RANBP17: variants seen among roughly 807,000 people sequenced by gnomAD.
RANBP17 encodes the protein RAN binding protein 17, also known as ran-binding protein 17.
A neutral mutation model predicts 141.2 loss-of-function variants in RANBP17; 158 were observed. The ratio of observed to expected loss-of-function variants is 1.12; its 90% confidence interval spans 0.98 to 1.28. The LOEUF (loss-of-function observed/expected upper bound fraction) is 1.28, where lower values mean the gene tolerates loss of function less well. Ranked by LOEUF, RANBP17 falls within the 50% of genes most tolerant of loss-of-function variation. The probability of loss-of-function intolerance (pLI) is 0.00; values close to 1 mark genes in which losing one functional copy is unlikely to be tolerated. For missense variants in RANBP17, 1,438 were observed against 1,290.7 expected (o/e 1.11, Z -1.75); for synonymous variants, 430 against 450.0 (o/e 0.96, Z 0.56).
intron 5 of RANBP17, among the ~76,000 whole-genome samples, chr5:170,908,558 G>C (rs1771262542): frequency 1.3e-5 from 2 of 150,440 alleles, no homozygotes; most frequent in Non-Finnish European, 3.0e-5. Context: ...ACTGACTTTT[G>C]GGTGACAGGA....
At chr5:171,263,269 G>A (rs1442093797) in intron 24 of RANBP17, among the ~76,000 whole-genome samples, 1 of 152,116 alleles carries the variant, frequency 6.6e-6, no homozygotes, top group African/African-American at 2.4e-5. Flanking sequence ...GAGTCTACCT[G>A]CTCACCATTT....
intron 14 of RANBP17, among the ~76,000 whole-genome samples, chr5:171,112,069 T>A (rs1003807271): frequency 1.3e-5 from 2 of 152,226 alleles, no homozygotes; most frequent in African/African-American, 4.8e-5. Context: ...AAAGTCATCT[T>A]GTCCTCACCA....
intron 14 of RANBP17, among the ~76,000 whole-genome samples, chr5:171,101,423 TG>T (rs1464620281): frequency 6.6e-6 from 1 of 152,232 alleles, no homozygotes; most frequent in Admixed American, 6.5e-5. Flanking sequence ...TTGCAACCCC[TG>T]CTCTTTTTTT....
At chr5:171,117,966 T>C (rs1755766127) in intron 14 of RANBP17, among the ~76,000 whole-genome samples, 1 of 152,174 alleles carries the variant, frequency 6.6e-6, no homozygotes, top group African/African-American at 2.4e-5. Context: ...TTGTTCACTC[T>C]GATGATTGTT....
intron 12 of RANBP17, among the ~76,000 whole-genome samples, chr5:170,930,396 AT>A: frequency 6.6e-6 from 1 of 150,924 alleles, no homozygotes; most frequent in East Asian, 1.9e-4. Context: ...TCTTTTTATT[AT>A]TTTTTATTTT....
chr5:170,926,541 A>T (rs111384391), intron 12 of RANBP17, among the ~76,000 whole-genome samples: 2 of 152,010 alleles, frequency 1.3e-5, no homozygotes, highest in East Asian at 3.9e-4. Context: ...ATGTATTTTG[A>T]CATTAATCAT....
In RANBP17 at chr5:171,285,104, C is replaced by T. The variant is rs575751557; in HGVS notation, c.2944-8779C>T. Among the ~76,000 whole-genome samples, 6 of 152,356 alleles carry T rather than the reference C, an allele frequency of 3.9e-5. No individual in the cohort carries two copies. In the East Asian group the frequency reaches 9.6e-4, roughly 24 times the overall value. On this transcript the variant is annotated intron_variant, in intron 25 of 27. Transcript: ENST00000523189. ...CTGTTCGTTCCTCAAACATGCCAAG[C>T]TCTGTCTCCAGTGTCTTTTCTCATT...
intron 14 of RANBP17, among the ~76,000 whole-genome samples, chr5:171,002,282 G>A (rs1779263290): frequency 6.6e-6 from 1 of 151,320 alleles, no homozygotes; most frequent in Non-Finnish European, 1.5e-5. Flanking sequence ...GTTTCGGTGG[G>A]AGAGTAGGTG....
chr5:171,036,333 G>T (rs1202708898), intron 14 of RANBP17, among the ~76,000 whole-genome samples: 1 of 152,134 alleles, frequency 6.6e-6, no homozygotes, highest in African/African-American at 2.4e-5. Flanking sequence ...GCCTCCATCT[G>T]CATCCATGTT....
At chr5:171,018,668 G>A (rs897485133) in intron 14 of RANBP17, among the ~76,000 whole-genome samples, 1 of 152,072 alleles carries the variant, frequency 6.6e-6, no homozygotes, top group Non-Finnish European at 1.5e-5. Context: ...TGAGATGATG[G>A]GGTTTTCTAA....
chr5:171,282,474 G>A (rs1767917338), intron 25 of RANBP17, among the ~76,000 whole-genome samples: 1 of 151,714 alleles, frequency 6.6e-6, no homozygotes, highest in African/African-American at 2.4e-5. Context: ...TGTTGTTGTT[G>A]TTGTTGTTGT....
At position 171,029,943 on chromosome 5, in the gene RANBP17, A is replaced by C. The variant is rs536599255; in HGVS notation, c.1710+61566A>C. Among the ~76,000 whole-genome samples, 553 of 152,142 alleles carry C rather than the reference A, an allele frequency of 3.6e-3. 3 individuals carry two copies. Among genetic ancestry groups the C allele is most frequent in the African/African-American group, 0.012 (515 of 41,546 alleles). The stretch of plus-strand genomic sequence containing the variant: ...ACATTGTGTGCATTTGGTTGTGAAA[A>C]AAACAGAAGTAGTACTTTAATATAC... On this transcript the variant is annotated intron_variant, in intron 14 of 27. Transcript: ENST00000523189.
At chr5:170,969,721 G>A (rs1373065230) in intron 14 of RANBP17, among the ~76,000 whole-genome samples, 1 of 151,850 alleles carries the variant, frequency 6.6e-6, no homozygotes, top group East Asian at 1.9e-4. Context: ...ATGGGATTTC[G>A]GATTTTGTTT....
At chr5:171,041,968 CCACTTATAA>C (rs1782280087) in intron 14 of RANBP17, among the ~76,000 whole-genome samples, 1 of 151,960 alleles carries the variant, frequency 6.6e-6, no homozygotes, top group Admixed American at 6.6e-5. Context: ...TATTCTGCTC[CCACTTATAA>C]GTGAGAATAT....
In RANBP17 at chr5:171,137,572, A is replaced by ATGTGTGTGTGTG. The variant is rs140713117; in HGVS notation, c.1711-32536_1711-32525dup. 5.8e-3 allele frequency among the ~76,000 whole-genome samples: 822 copies of ATGTGTGTGTGTG among 141,092 alleles called. 4 individuals are homozygous for ATGTGTGTGTGTG. Among genetic ancestry groups the ATGTGTGTGTGTG allele is most frequent in the Non-Finnish European group, 8.8e-3 (572 of 65,090 alleles). 92.6% of individuals were successfully genotyped at this position (141,092 alleles called of 152,430 possible). ...TAGGAAATGCTTCTGTTGACTTGAG[A>ATGTGTGTGTGTG]TGTGTGTGTGTGTGTGTGTGTGTGT... On this transcript the variant is annotated intron_variant, in intron 14 of 27. Transcript: ENST00000523189.
At chr5:170,904,590 G>A (rs1450598388) in intron 5 of RANBP17, 1 of 152,150 alleles carries the variant, frequency 6.6e-6, no homozygotes, top group African/African-American at 2.4e-5. Flanking sequence ...GTCTAAAAGA[G>A]TGATTTCTGT....
chr5:170,891,484 G>A (rs1291705411), intron 3 of RANBP17, among the ~76,000 whole-genome samples: 5 of 152,208 alleles, frequency 3.3e-5, no homozygotes, highest in African/African-American at 1.2e-4. Flanking sequence ...CTGTATATTA[G>A]TTGGTTCTCA....
intron 9 of RANBP17, among the ~76,000 whole-genome samples, chr5:170,917,935 A>G (rs1489751153): frequency 3.3e-5 from 5 of 152,124 alleles, no homozygotes; most frequent in African/African-American, 4.8e-5. Flanking sequence ...ACTATTTTCT[A>G]TATATTTCAT....
At chr5:171,060,820 G>T (rs1358538351) in intron 14 of RANBP17, among the ~76,000 whole-genome samples, 1 of 152,066 alleles carries the variant, frequency 6.6e-6, no homozygotes, top group Non-Finnish European at 1.5e-5. Flanking sequence ...GTAAGCTATT[G>T]ATTATTGCCA....
Sources: gnomAD v4.1 joint callset for allele counts (sites outside exome capture counted in the v4.1 genomes callset) on GRCh38, gnomAD v4.1.1 for gene constraint, MANE v1.5 for transcripts, NCBI Gene and HGNC (gene_info 2026-07-23, HGNC 2026-07-21) for gene names.